SMARCA2: variants seen among roughly 807,000 people sequenced by gnomAD.
SMARCA2 encodes SWI/SNF related BAF chromatin remodeling complex subunit ATPase 2.
In SMARCA2, 61 loss-of-function variants were observed where a neutral mutation model predicts 199.8. The ratio of observed to expected loss-of-function variants is 0.31; its 90% CI spans 0.25 to 0.38. The LOEUF (loss-of-function observed/expected upper bound fraction) is 0.38. SMARCA2 is among the 10% of genes least tolerant of loss of function. SMARCA2 has a pLI of 1.00. For synonymous variants in SMARCA2, 935 were observed against 732.0 expected (o/e 1.28, Z -4.48); for missense variants, 1,344 against 2,012.2 (o/e 0.67, Z 6.35).
At chr9:2,172,957 G>C (rs1021287979) in intron 29 of SMARCA2, among the ~76,000 whole-genome samples, 2 of 152,222 alleles carry the variant, frequency 1.3e-5, no homozygotes, top group Non-Finnish European at 2.9e-5. Context: ...TTGTCTGGTA[G>C]TGGAGGAAGA....
rs370220959 is a variant in SMARCA2 at position 2,082,350 on chromosome 9, T to TGTGTGTGTGTGTGTGTGTGA, written c.2348+356_2348+357insTGTGTGTGTGTGTGTGTGAG. ...GTGTGTGTGTGTGTGTGTGTGTGTG[T>TGTGTGTGTGTGTGTGTGTGA]GATTTCTTTGATTTTTTCCTTATTC... On this transcript the variant is annotated intron_variant, in intron 15 of 33. Transcript: ENST00000349721. 2.8e-5 allele frequency among the ~76,000 whole-genome samples: 4 copies of TGTGTGTGTGTGTGTGTGTGA among 140,636 alleles called. No homozygotes were observed. In the East Asian group the frequency reaches 8.2e-4, roughly 29 times the overall value. 92.3% of individuals were successfully genotyped at this position (140,636 alleles called of 152,430 possible).
intron 23 of SMARCA2, among the ~76,000 whole-genome samples, chr9:2,109,037 A>G (rs970961032): frequency 6.6e-6 from 1 of 152,186 alleles, no homozygotes; most frequent in East Asian, 1.9e-4. Context: ...TCAGGAGGGC[A>G]TTTGTTATTT....
At chr9:2,065,378 A>G (rs1193427165) in intron 9 of SMARCA2, among the ~76,000 whole-genome samples, 1 of 152,198 alleles carries the variant, frequency 6.6e-6, no homozygotes, top group Non-Finnish European at 1.5e-5. Context: ...TCTCTGAGGC[A>G]ACACTAGACC....
At chr9:2,082,653 G>T (rs930370271) in intron 15 of SMARCA2, among the ~76,000 whole-genome samples, 51 of 152,330 alleles carry the variant, frequency 3.3e-4, no homozygotes, top group Middle Eastern at 3.4e-3. Flanking sequence ...GTGTCTGCCT[G>T]TGGGTGTTAG....
At chr9:2,171,877 T>C (rs1826264512) in intron 29 of SMARCA2, among the ~76,000 whole-genome samples, 1 of 152,178 alleles carries the variant, frequency 6.6e-6, no homozygotes, top group South Asian at 2.1e-4. Flanking sequence ...CCACGAAAAG[T>C]AGATCAATAA....
chr9:2,192,761 G>C lies in SMARCA2; in HGVS notation c.*22G>C. On this transcript the variant is annotated 3_prime_UTR_variant, in exon 34 of 34. Coordinates refer to ENST00000349721, the MANE Select transcript of SMARCA2 (RefSeq NM_003070.5). ...GTGATCAGTATGGACCTTTTTCCTT[G>C]GTAGAACTGAATTCCTTCCTCCCCT... The C allele has an allele frequency of 6.3e-7, 1 of 1,582,412 alleles. No homozygotes were observed.
intron 31 of SMARCA2, among the ~76,000 whole-genome samples, chr9:2,184,509 G>C (rs1481392796): frequency 5.9e-5 from 9 of 151,620 alleles, no homozygotes; most frequent in Non-Finnish European, 8.8e-5. Context: ...GCACCACCAT[G>C]CCCGGCTAAT....
chr9:2,177,830 G>A (rs956904590), intron 29 of SMARCA2, among the ~76,000 whole-genome samples: 5 of 152,196 alleles, frequency 3.3e-5, no homozygotes, highest in African/African-American at 9.7e-5. Context: ...GGGATTACAG[G>A]CATGAGCCAC....
chr9:2,058,508 G>T, intron 8 of SMARCA2, 44 bp downstream of exon 8: 2 of 1,538,302 alleles, frequency 1.3e-6, no homozygotes, highest in South Asian at 1.1e-5. Flanking sequence ...CTCAACCCAC[G>T]TCCGTCTGCA....
At position 2,123,155 on chromosome 9, in the gene SMARCA2, A is replaced by T. The variant is rs143561031; in HGVS notation, c.3763-564A>T. Among the ~76,000 whole-genome samples the T allele has an allele frequency of 1.2e-4, 18 of 152,334 alleles. No homozygotes were observed. The East Asian group carries it at 3.5e-3, about 29-fold the overall frequency. Reference sequence around the variant, plus strand: ...GAGGTATTGAAAAGTTAGTATATTCATGGCCAATGGACCAGTGAAACCATT... The same window carrying T: ...GAGGTATTGAAAAGTTAGTATATTCTTGGCCAATGGACCAGTGAAACCATT... On this transcript the variant is annotated intron_variant, in intron 26 of 33. Transcript: ENST00000349721. The surrounding 1 kb of genome is among the most constrained non-coding windows in gnomAD (Gnocchi z 4.1).
chr9:2,117,827 T>C (rs1207103281), intron 25 of SMARCA2, among the ~76,000 whole-genome samples: 1 of 152,104 alleles, frequency 6.6e-6, no homozygotes, highest in African/African-American at 2.4e-5. Flanking sequence ...TGGCTGCCAG[T>C]GTGTCAGAAA....
At chr9:2,131,369 AG>A (rs1191386125) in intron 27 of SMARCA2, among the ~76,000 whole-genome samples, 1 of 152,184 alleles carries the variant, frequency 6.6e-6, no homozygotes, top group Non-Finnish European at 1.5e-5. Flanking sequence ...CCTGGCGATG[AG>A]GGAAGACACC....
chr9:2,074,609 A>G (rs1482740388), intron 12 of SMARCA2, among the ~76,000 whole-genome samples: 2 of 152,230 alleles, frequency 1.3e-5, no homozygotes, highest in Non-Finnish European at 2.9e-5. Context: ...ACTCATGCCT[A>G]TAATCCCAGC....
At chr9:2,189,577 T>G (rs1394460206) in intron 32 of SMARCA2, among the ~76,000 whole-genome samples, 1 of 152,146 alleles carries the variant, frequency 6.6e-6, no homozygotes, top group Non-Finnish European at 1.5e-5. Context: ...TCTATTTCTT[T>G]CGACGTCCTA....
chr9:2,156,204 C>G (rs1235411470), intron 27 of SMARCA2, among the ~76,000 whole-genome samples: 1 of 152,076 alleles, frequency 6.6e-6, no homozygotes, highest in South Asian at 2.1e-4. Context: ...AACGTGCTAT[C>G]TGTTGAAATG....
At chr9:2,159,624 A>G in intron 27 of SMARCA2, 1 of 590,066 alleles carries the variant, frequency 1.7e-6, no homozygotes. Context: ...AATAAGGGGA[A>G]AAAAATATGA....
At chr9:2,117,201 C>G (rs1321988513) in intron 25 of SMARCA2, among the ~76,000 whole-genome samples, 2 of 149,460 alleles carry the variant, frequency 1.3e-5, no homozygotes, top group East Asian at 4.0e-4. Flanking sequence ...TTTTTTTTTT[C>G]TAAAATGAAT....
chr9:2,070,434 C>T lies in SMARCA2; in HGVS notation c.1709C>T (p.Ala570Val). The T allele has an allele frequency of 6.2e-7, 1 of 1,613,756 alleles. No individual in the cohort carries two copies. ...GTTTTGCAGAAGGCTGAGGAGAATG[C>T]AGAGGGTGGGGAGTCTGCCCTGGGA... ...RRRKKKAEEN[A>V]EGGESALGPD... Residue 570 changes from alanine to valine, a missense_variant, in exon 10 of 34, where the codon GCA (alanine) becomes GTA (valine). By Grantham distance (64) the Ala-to-Val change is moderately conservative. This residue lies in a region of SMARCA2 where 68 missense variants were observed against 70.4 expected (regional missense o/e 0.97). Transcript: ENST00000349721.
chr9:2,092,808 C>T (rs971143114), intron 19 of SMARCA2, among the ~76,000 whole-genome samples: 3 of 152,166 alleles, frequency 2.0e-5, no homozygotes, highest in Non-Finnish European at 4.4e-5. Context: ...GAATCACCCC[C>T]GTGAAGAAGT....
Sources: gnomAD v4.1 joint callset for allele counts (sites outside exome capture counted in the v4.1 genomes callset) on GRCh38, gnomAD v4.1.1 for gene constraint, gnomAD v4.1.1 regional missense constraint, Gnocchi (gnomAD v3.1) non-coding constraint, MANE v1.5 for transcripts, NCBI Gene and HGNC (gene_info 2026-07-23, HGNC 2026-07-21) for gene names.